Variants in UTP18 observed in about 807,000 individuals in gnomAD.
The protein encoded by UTP18 is UTP18 small subunit processome component, also known as U3 small nucleolar RNA-associated protein 18 homolog.
In UTP18, 36 loss-of-function variants were observed where a neutral mutation model predicts 61.1. The ratio of observed to expected loss-of-function variants is 0.59; its 90% CI spans 0.45 to 0.78. UTP18 has a LOEUF of 0.78. Ranked by LOEUF, UTP18 falls within the 30% of genes least tolerant of loss-of-function variation. The pLI is 0.00. For missense variants in UTP18, 753 were observed against 693.9 expected (o/e 1.09, Z -0.96); for synonymous variants, 282 against 251.1 (o/e 1.12, Z -1.16).
Position 51,277,258 on chromosome 17 carries a change from C to T in UTP18, c.966C>T (p.Val322=). The T allele has an allele frequency of 6.2e-7, 1 of 1,614,172 alleles. No individual in the cohort carries two copies. The highest frequency in any genetic ancestry group is 8.5e-7 in the Non-Finnish European group (1 of 1,180,022). Residue 322 remains valine (V), a synonymous_variant, in exon 7 of 14, where the codon GTC becomes GTT. Transcript: ENST00000225298. ...ATSTHSKVLY[V]YDMLAGKLIP... is the part of the protein sequence containing the mutation. ...GTACCCACAGCAAGGTTCTTTATGT[C>T]TATGACATGCTGGCTGGAAAGTTAA...
Position 51,293,992 on chromosome 17 carries a change from G to A in UTP18, c.1593G>A (p.Pro531=), listed in dbSNP as rs374061305. 43 of 1,610,378 alleles carry A rather than the reference G, an allele frequency of 2.7e-5. No individual in the cohort carries two copies. Among genetic ancestry groups the A allele is most frequent in the Admixed American group, 5.0e-5 (3 of 59,614 alleles). The change falls in exon 12 of 14, where the codon CCG becomes CCA. Residue 531 remains proline (P), a synonymous_variant. Coordinates refer to ENST00000225298, the MANE Select transcript of UTP18 (RefSeq NM_016001.3). ...ATGTTCATACCATGGATTTTTCTCCGAGAAGTGGATACTTTGCCTTGGGGA... is the reference window on the plus strand; with the variant it reads ...ATGTTCATACCATGGATTTTTCTCCAAGAAGTGGATACTTTGCCTTGGGGA... ...ISHVHTMDFS[P]RSGYFALGNE...
intron 11 of UTP18, 34 bp from the exon 12 acceptor site, chr17:51,293,869 G>T (rs12940196): frequency 9.5e-6 from 14 of 1,474,746 alleles, no homozygotes; most frequent in East Asian, 4.9e-5. Context: ...GCTCCCAGTT[G>T]TTACACTTTA....
chr17:51,265,126 TAGA>T (rs1475379332), intron 2 of UTP18, among the ~76,000 whole-genome samples: 4 of 152,242 alleles, frequency 2.6e-5, no homozygotes, highest in African/African-American at 9.6e-5. Context: ...TTTCTGTGCA[TAGA>T]AGTTTTGAAT....
intron 2 of UTP18, among the ~76,000 whole-genome samples, chr17:51,264,018 T>C (rs2055534568): frequency 1.3e-5 from 2 of 151,980 alleles, no homozygotes; most frequent in Admixed American, 1.3e-4. Flanking sequence ...TGGGTAGATT[T>C]TCTTTTTCCC....
chr17:51,286,524 C>T (rs140184058), intron 10 of UTP18: 365 of 456,248 alleles, frequency 8.0e-4, no homozygotes, highest in African/African-American at 6.3e-3. Flanking sequence ...TCCCTACCAC[C>T]GTTTGCAAAT....
At chr17:51,269,316 A>AC (rs1904428714) in intron 4 of UTP18, among the ~76,000 whole-genome samples, 1 of 150,406 alleles carries the variant, frequency 6.6e-6, no homozygotes, top group African/African-American at 2.4e-5. Context: ...AAAAAAAAAA[A>AC]AAAAAAAAAA....
intron 1 of UTP18, among the ~76,000 whole-genome samples, chr17:51,262,091 A>AT (rs770103950): frequency 1.4e-3 from 195 of 142,830 alleles, no homozygotes; most frequent in Admixed American, 2.5e-3. Context: ...CTAGGTTTAG[A>AT]TTTTTTTTTT....
At position 51,262,549 on chromosome 17, in the gene UTP18, A is replaced by G. The variant is rs1454904625; in HGVS notation, c.343-725A>G. Among the ~76,000 whole-genome samples, 6 of 152,144 alleles carry G rather than the reference A, an allele frequency of 3.9e-5. No individual in the cohort carries two copies. The East Asian group carries it at 1.2e-3, about 29-fold the overall frequency. On this transcript the variant is annotated intron_variant, in intron 1 of 13. Coordinates refer to ENST00000225298, the MANE Select transcript of UTP18 (RefSeq NM_016001.3). ...AGTCTTCCATCTCCCTTTTGCTAAT[A>G]GTAACTGGTTGCTCTTCTTGTTGGT...
At chr17:51,277,889 A>G (rs1250978889) in intron 7 of UTP18, among the ~76,000 whole-genome samples, 1 of 152,074 alleles carries the variant, frequency 6.6e-6, no homozygotes, top group East Asian at 1.9e-4. Context: ...ATACACCGAC[A>G]CCTTCATGCA....
At position 51,260,714 on chromosome 17, in the gene UTP18, C is replaced by T. The variant is rs1258426272; in HGVS notation, c.130C>T (p.Pro44Ser). The T allele has an allele frequency of 1.2e-6, 2 of 1,600,664 alleles. No homozygotes were observed. Among genetic ancestry groups the T allele is most frequent in the South Asian group, 1.1e-5 (1 of 89,832 alleles). The part of the protein sequence containing the change: ...GPGGPPQKPA[P>S]SSQRKPPARP... ...AGGCGGGCCTCCCCAAAAGCCTGCC[C>T]CTTCATCCCAGCGGAAACCGCCGGC... is the stretch of plus-strand genomic sequence containing the variant. Residue 44 changes from proline (P) to serine (S), a missense_variant, in exon 1 of 14, where the codon CCT becomes TCT. Coordinates refer to ENST00000225298, the MANE Select transcript of UTP18 (RefSeq NM_016001.3).
At chr17:51,261,021 C>G (rs2055453575) in intron 1 of UTP18, 95 bp downstream of exon 1, 1 of 1,170,148 alleles carries the variant, frequency 8.5e-7, no homozygotes, top group Non-Finnish European at 1.1e-6. Flanking sequence ...CGACCTGCGG[C>G]GGCGGGGAGC....
Position 51,280,109 on chromosome 17 carries a change from A to G in UTP18, c.1113+4A>G, listed in dbSNP as rs756206141. 2 of 1,611,924 alleles carry G rather than the reference A, an allele frequency of 1.2e-6. No homozygotes were observed. Among genetic ancestry groups the G allele is most frequent in the Non-Finnish European group, 1.7e-6 (2 of 1,178,596 alleles). ...TTTGCATTTGCTAGCAATGAAGGTA[A>G]AGCATTATTATTGCTTCTTGTTCTT... On this transcript the variant is annotated splice_donor_region_variant and intron_variant, in intron 8 of 13. Transcript: ENST00000225298.
intron 12 of UTP18, 168 bp from the exon 13 acceptor site, chr17:51,296,797 T>A: frequency 1.7e-6 from 1 of 586,576 alleles, no homozygotes. Flanking sequence ...GGCGTTCAGA[T>A]CCTCCAGAAT....
At chr17:51,263,466 A>T in intron 2 of UTP18, 80 bp downstream of exon 2, 1 of 1,081,230 alleles carries the variant, frequency 9.2e-7, no homozygotes, top group Middle Eastern at 2.5e-4. Flanking sequence ...CATTCTTTTT[A>T]CCAATTTGTG....
At chr17:51,280,351 CT>C in intron 8 of UTP18, 37 bp from the exon 9 acceptor site, 1 of 1,598,648 alleles carries the variant, frequency 6.3e-7, no homozygotes, top group Non-Finnish European at 8.6e-7. Context: ...CTTCTGTATA[CT>C]TTCTAACAGT....
chr17:51,268,151 C>G (rs1467452289), intron 3 of UTP18, among the ~76,000 whole-genome samples: 2 of 151,804 alleles, frequency 1.3e-5, no homozygotes, highest in African/African-American at 4.8e-5. Flanking sequence ...CTGGGACTAC[C>G]AGTAGATGGG....
At chr17:51,295,438 ACC>A (rs1905342572) in intron 12 of UTP18, among the ~76,000 whole-genome samples, 1 of 152,094 alleles carries the variant, frequency 6.6e-6, no homozygotes, top group African/African-American at 2.4e-5. Context: ...TTTTCCCAGC[ACC>A]ATTTATTAAA....
Position 51,266,224 on chromosome 17 carries a change from A to C in UTP18, c.498A>C (p.Lys166Asn). Residue 166 changes from lysine to asparagine, a missense_variant, in exon 3 of 14, where the codon AAA (lysine) becomes AAC (asparagine). Lys to Asn is a moderately conservative substitution (Grantham distance 94). Transcript: ENST00000225298. Reference sequence around the variant, plus strand: ...ATCGGTTTCGGAAGGATATGATGAAAAATGCTAGTGAAAGTAAACTTTCGA... The same window carrying C: ...ATCGGTTTCGGAAGGATATGATGAACAATGCTAGTGAAAGTAAACTTTCGA... ...MNNRFRKDMM[K>N]NASESKLSKD... is the part of the protein sequence containing the mutation. The C allele has an allele frequency of 1.2e-6, 2 of 1,601,386 alleles. No homozygotes were observed. The highest frequency in any genetic ancestry group is 1.7e-6 in the Non-Finnish European group (2 of 1,175,986).
At position 51,260,573 on chromosome 17, in the gene UTP18, T is replaced by A. The variant is rs1179722714; in HGVS notation, c.-12T>A. ...TCCACGTGAGCGCCTGCGTTTCTCCTCAAACCTAACGATGCCGCCGGAGCG... is the reference window on the plus strand; with the variant it reads ...TCCACGTGAGCGCCTGCGTTTCTCCACAAACCTAACGATGCCGCCGGAGCG... On this transcript the variant is annotated 5_prime_UTR_variant, in exon 1 of 14. Transcript: ENST00000225298. 15 of 1,609,870 alleles carry A rather than the reference T, an allele frequency of 9.3e-6. No individual in the cohort carries two copies. Among genetic ancestry groups the A allele is most frequent in the Non-Finnish European group, 1.2e-5 (14 of 1,178,920 alleles).
Sources: allele counts gnomAD v4.1 joint callset (sites outside exome capture counted in the v4.1 genomes callset), GRCh38; gene constraint gnomAD v4.1.1; transcripts MANE v1.5; gene names NCBI Gene and HGNC (gene_info 2026-07-23, HGNC 2026-07-21).